The following CTNNA2 variants were observed in gnomAD, a reference collection of about 807,000 sequenced individuals.
The protein encoded by CTNNA2 is catenin alpha 2.
In CTNNA2, 42 loss-of-function variants were observed where a neutral mutation model predicts 101.0. The ratio of observed to expected loss-of-function variants is 0.42; its 90% CI spans 0.32 to 0.54. The LOEUF (loss-of-function observed/expected upper bound fraction) is 0.54. Among genes scored for constraint, CTNNA2 ranks in the 20% least tolerant of loss-of-function variants. The pLI is 0.14. For missense variants in CTNNA2, 871 were observed against 1,223.1 expected (o/e 0.71, Z 4.29); for synonymous variants, 450 against 456.4 (o/e 0.99, Z 0.18).
chr2:79,636,269 C>CAAAAAAAAAAA (rs57739991), intron 1 of CTNNA2, among the ~76,000 whole-genome samples: 1 of 67,254 alleles, frequency 1.5e-5, no homozygotes, highest in Non-Finnish European at 3.2e-5. Flanking sequence ...GACTCTGTCT[C>CAAAAAAAAAAA]AAAAAAAAAA....
At chr2:80,179,535 G>A (rs553598798) in intron 7 of CTNNA2, among the ~76,000 whole-genome samples, 18 of 152,060 alleles carry the variant, frequency 1.2e-4, no homozygotes, top group African/African-American at 4.1e-4. Flanking sequence ...CACCACACCG[G>A]GCTAATTTTT....
chr2:80,569,068 T>C lies in CTNNA2; in HGVS notation c.1742-5095T>C, dbSNP rs1694324211. Among the ~76,000 whole-genome samples, 3 of 152,116 alleles carry C rather than the reference T, an allele frequency of 2.0e-5. No homozygotes were observed. The South Asian group carries it at 6.2e-4, about 32-fold the overall frequency. On this transcript the variant is annotated intron_variant, in intron 12 of 18. Transcript: ENST00000402739. ...CTGCTACCTTTGGTTGACCTTGCAT[T>C]TTGCCCTTTGGGTTGTCAGCAGTCC...
intron 7 of CTNNA2, among the ~76,000 whole-genome samples, chr2:80,063,890 A>G (rs1237582789): frequency 6.6e-6 from 1 of 152,194 alleles, no homozygotes; most frequent in East Asian, 1.9e-4. Context: ...GTTATTTGAT[A>G]TGGATCTTTT....
At chr2:80,490,526 A>G (rs762979146) in intron 9 of CTNNA2, among the ~76,000 whole-genome samples, 18 of 152,158 alleles carry the variant, frequency 1.2e-4, no homozygotes, top group Middle Eastern at 3.2e-3. Flanking sequence ...ATTCAAAAAC[A>G]TAAAACTACT....
chr2:80,299,022 T>C (rs1676006991), intron 7 of CTNNA2: 1 of 152,084 alleles, frequency 6.6e-6, no homozygotes, highest in Admixed American at 6.5e-5. Context: ...TATATAAATA[T>C]TCGAAAAACC....
chr2:79,821,662 AAG>A (rs1466354696), intron 3 of CTNNA2, among the ~76,000 whole-genome samples: 1 of 152,226 alleles, frequency 6.6e-6, no homozygotes, highest in African/African-American at 2.4e-5. Flanking sequence ...AATATTTGGC[AAG>A]AGAGGAATAC....
chr2:79,190,126 C>G (rs1326688266), intron 1 of CTNNA2, among the ~76,000 whole-genome samples: 1 of 152,026 alleles, frequency 6.6e-6, no homozygotes, highest in East Asian at 1.9e-4. Flanking sequence ...CTCCTCTGAC[C>G]CATGGATTGT....
chr2:80,017,724 A>G (rs867520148), intron 7 of CTNNA2, among the ~76,000 whole-genome samples: 7 of 152,018 alleles, frequency 4.6e-5, no homozygotes, highest in African/African-American at 1.7e-4. Flanking sequence ...TTTCTGTTCA[A>G]TTTCATTCAT....
intron 7 of CTNNA2, among the ~76,000 whole-genome samples, chr2:79,988,006 A>G (rs1411127223): frequency 6.6e-6 from 1 of 152,372 alleles, no homozygotes; most frequent in East Asian, 1.9e-4. Context: ...CAGACTTTCT[A>G]AATGGAGTCC....
chr2:79,449,725 T>A (rs575492064), intron 4 of CTNNA2, among the ~76,000 whole-genome samples: 1 of 152,180 alleles, frequency 6.6e-6, no homozygotes, highest in South Asian at 2.1e-4. Context: ...TACCTTGCTA[T>A]TCCACATGAG....
chr2:79,595,202 G>C (rs1444812387), intron 1 of CTNNA2, among the ~76,000 whole-genome samples: 1 of 152,068 alleles, frequency 6.6e-6, no homozygotes, highest in African/African-American at 2.4e-5. Flanking sequence ...ACTTAGCCTT[G>C]TCTTTTTTCA....
intron 4 of CTNNA2, among the ~76,000 whole-genome samples, chr2:79,406,649 G>A (rs554288544): frequency 2.0e-4 from 30 of 152,044 alleles, no homozygotes; most frequent in African/African-American, 4.6e-4. Context: ...GTGCTTATCC[G>A]TTGCATAGTC....
chr2:80,217,626 A>T (rs750162476), intron 7 of CTNNA2, among the ~76,000 whole-genome samples: 1 of 152,198 alleles, frequency 6.6e-6, no homozygotes, highest in Non-Finnish European at 1.5e-5. Flanking sequence ...TGTAGGCACT[A>T]TATTAGATAT....
intron 9 of CTNNA2, among the ~76,000 whole-genome samples, chr2:80,533,125 G>A (rs1397450845): frequency 1.3e-5 from 2 of 152,208 alleles, no homozygotes; most frequent in African/African-American, 4.8e-5. Context: ...CTAATTCCGT[G>A]TGTAGGTATC....
intron 2 of CTNNA2, among the ~76,000 whole-genome samples, chr2:79,732,350 TA>T (rs1178947007): frequency 6.6e-6 from 1 of 152,086 alleles, no homozygotes; most frequent in East Asian, 1.9e-4. Flanking sequence ...TTTTTTCATA[TA>T]AAAAATGGGA....
intron 7 of CTNNA2, among the ~76,000 whole-genome samples, chr2:80,264,207 C>T (rs780096280): frequency 3.9e-5 from 6 of 151,984 alleles, no homozygotes; most frequent in African/African-American, 7.2e-5. Flanking sequence ...GTTGCCACAA[C>T]GATTTATTTT....
chr2:79,345,864 T>TTTTC (rs1465678023), intron 3 of CTNNA2, among the ~76,000 whole-genome samples: 3 of 150,890 alleles, frequency 2.0e-5, no homozygotes, highest in Non-Finnish European at 4.4e-5. Context: ...GGTTGATTTT[T>TTTTC]TTTTTTTTTT....
intron 4 of CTNNA2, among the ~76,000 whole-genome samples, chr2:79,403,493 A>T (rs1678310732): frequency 6.6e-6 from 1 of 151,988 alleles, no homozygotes; most frequent in Non-Finnish European, 1.5e-5. Context: ...ACCATGTTAA[A>T]CAGTTTGATA....
intron 7 of CTNNA2, among the ~76,000 whole-genome samples, chr2:80,056,478 T>C (rs1399535545): frequency 6.6e-6 from 1 of 152,182 alleles, no homozygotes; most frequent in Non-Finnish European, 1.5e-5. Flanking sequence ...GCTGTAAGAT[T>C]TCCCAGACGT....
Sources: gnomAD v4.1 joint callset for allele counts (sites outside exome capture counted in the v4.1 genomes callset) on GRCh38, gnomAD v4.1.1 for gene constraint, MANE v1.5 for transcripts, NCBI Gene and HGNC (gene_info 2026-07-23, HGNC 2026-07-21) for gene names.